WWOX: variants seen among roughly 807,000 people sequenced by gnomAD.
The protein encoded by WWOX is WW domain-containing oxidoreductase.
In WWOX, 69 loss-of-function variants were observed where a neutral mutation model predicts 46.2. The observed-to-expected ratio is 1.49, with a 90% CI of 1.23 to 1.82. The LOEUF (loss-of-function observed/expected upper bound fraction) is 1.82. Among genes scored for constraint, WWOX ranks in the 40% most tolerant of loss-of-function variants. The probability of loss-of-function intolerance (pLI) is 0.00; values close to 1 mark genes in which losing one functional copy is unlikely to be tolerated. For missense variants in WWOX, 919 were observed against 542.6 expected (o/e 1.69, Z -6.89); for synonymous variants, 359 against 202.6 (o/e 1.77, Z -6.56).
chr16:78,648,952 T>A (rs1486931086), intron 8 of WWOX, among the ~76,000 whole-genome samples: 1 of 152,158 alleles, frequency 6.6e-6, no homozygotes, highest in Non-Finnish European at 1.5e-5. Flanking sequence ...TGATTGTTTT[T>A]AATTAATAAT....
chr16:78,634,582 T>C (rs1350448212), intron 8 of WWOX, among the ~76,000 whole-genome samples: 1 of 151,884 alleles, frequency 6.6e-6, no homozygotes, highest in Non-Finnish European at 1.5e-5. Context: ...GGCGGGCGCC[T>C]GTAATCCCAG....
chr16:79,113,143 A>T (rs905099445), intron 8 of WWOX, among the ~76,000 whole-genome samples: 21 of 152,168 alleles, frequency 1.4e-4, no homozygotes, highest in African/African-American at 5.1e-4. Context: ...ACGTTGTGAT[A>T]AGGGTTTTGT....
At chr16:79,138,267 CAT>C (rs2050021700) in intron 8 of WWOX, among the ~76,000 whole-genome samples, 1 of 152,178 alleles carries the variant, frequency 6.6e-6, no homozygotes, top group South Asian at 2.1e-4. Flanking sequence ...GTGCTGTACT[CAT>C]AGGAAAATGT....
chr16:78,677,039 T>A (rs899452098), intron 8 of WWOX, among the ~76,000 whole-genome samples: 3 of 148,962 alleles, frequency 2.0e-5, no homozygotes, highest in African/African-American at 7.3e-5. Context: ...AAGCAGTTTT[T>A]ATGAATACCT....
chr16:78,790,480 C>G (rs746050856), intron 8 of WWOX, among the ~76,000 whole-genome samples: 2 of 152,150 alleles, frequency 1.3e-5, no homozygotes, highest in Non-Finnish European at 2.9e-5. Context: ...TAAATCTCCT[C>G]TAGAAAAGTC....
At chr16:78,146,081 T>C (rs2034187904) in intron 4 of WWOX, 2 of 152,176 alleles carry the variant, frequency 1.3e-5, no homozygotes, top group South Asian at 4.1e-4. Flanking sequence ...GCTAAAATGG[T>C]GTGTGCTTAG....
At chr16:78,394,245 G>C (rs1047735613) in intron 6 of WWOX, among the ~76,000 whole-genome samples, 3 of 152,100 alleles carry the variant, frequency 2.0e-5, no homozygotes, top group Non-Finnish European at 4.4e-5. Context: ...AGATCATCTT[G>C]CTTTGCTTCT....
intron 8 of WWOX, among the ~76,000 whole-genome samples, chr16:78,774,587 C>T (rs1343617829): frequency 2.0e-5 from 3 of 151,806 alleles, no homozygotes; most frequent in Non-Finnish European, 2.9e-5. Flanking sequence ...CACACATATG[C>T]ACATAAGATA....
chr16:79,058,303 T>C lies in WWOX; in HGVS notation c.1057-153305T>C, dbSNP rs182732120. Among the ~76,000 whole-genome samples the C allele has an allele frequency of 5.4e-4, 82 of 152,206 alleles. 2 individuals are homozygous for C. The East Asian group carries it at 0.015, about 27-fold the overall frequency. On this transcript the variant is annotated intron_variant, in intron 8 of 8. Transcript: ENST00000566780. The stretch of plus-strand genomic sequence containing the variant: ...CTATATAAAATGAGAGAGAAAAAAA[T>C]AATTCCTAGATCTAGAGTTGGTGTG...
intron 8 of WWOX, among the ~76,000 whole-genome samples, chr16:78,518,214 T>C (rs1274974138): frequency 1.3e-5 from 2 of 152,068 alleles, no homozygotes. Flanking sequence ...TTTGTTATTA[T>C]TATTATTAAT....
At chr16:79,060,286 G>C (rs979606225) in intron 8 of WWOX, among the ~76,000 whole-genome samples, 2 of 152,184 alleles carry the variant, frequency 1.3e-5, no homozygotes, top group African/African-American at 4.8e-5. Context: ...CTACAATGCT[G>C]TTGTGCCGGC....
At chr16:78,171,618 A>G (rs1234820733) in intron 5 of WWOX, among the ~76,000 whole-genome samples, 1 of 152,166 alleles carries the variant, frequency 6.6e-6, no homozygotes, top group East Asian at 1.9e-4. Context: ...ATCTGTAGCT[A>G]AACAAAAAGA....
chr16:78,867,028 C>G (rs897141249), intron 8 of WWOX, among the ~76,000 whole-genome samples: 3 of 152,172 alleles, frequency 2.0e-5, no homozygotes, highest in East Asian at 1.9e-4. Context: ...TGGGTCTAGT[C>G]CTTCTTGACT....
chr16:79,030,313 C>T (rs1025463816), intron 8 of WWOX, among the ~76,000 whole-genome samples: 1 of 152,210 alleles, frequency 6.6e-6, no homozygotes, highest in Non-Finnish European at 1.5e-5. Flanking sequence ...TCCTCCAGTG[C>T]GTACGCAGAT....
At chr16:78,810,960 C>T (rs2051173360) in intron 8 of WWOX, among the ~76,000 whole-genome samples, 2 of 136,726 alleles carry the variant, frequency 1.5e-5, no homozygotes, top group African/African-American at 2.6e-5. Context: ...GATTCCGTGG[C>T]CAGAAGCATA....
intron 8 of WWOX, among the ~76,000 whole-genome samples, chr16:79,128,512 G>C (rs2049808225): frequency 6.6e-6 from 1 of 152,228 alleles, no homozygotes; most frequent in Middle Eastern, 3.4e-3. Flanking sequence ...ACTTGGCCAA[G>C]GTCACACAGC....
intron 8 of WWOX, among the ~76,000 whole-genome samples, chr16:78,647,789 A>G (rs530751590): frequency 7.4e-4 from 113 of 152,352 alleles, no homozygotes; most frequent in Admixed American, 1.8e-3. Context: ...TTTCTAGAAC[A>G]GAAGCCACAA....
chr16:78,870,574 C>G (rs971073185), intron 8 of WWOX, among the ~76,000 whole-genome samples: 5 of 151,806 alleles, frequency 3.3e-5, no homozygotes, highest in Non-Finnish European at 7.4e-5. Context: ...CCCCTTGTCT[C>G]TCTTCTCACC....
At chr16:78,726,890 G>C (rs2048848891) in intron 8 of WWOX, among the ~76,000 whole-genome samples, 1 of 152,150 alleles carries the variant, frequency 6.6e-6, no homozygotes, top group South Asian at 2.1e-4. Flanking sequence ...AGTTGAAATG[G>C]TCACTGGGTA....
Sources: gnomAD v4.1 joint callset for allele counts (sites outside exome capture counted in the v4.1 genomes callset) on GRCh38, gnomAD v4.1.1 for gene constraint, MANE v1.5 for transcripts, NCBI Gene and HGNC (gene_info 2026-07-23, HGNC 2026-07-21) for gene names.